The following PINX1 variants were observed in gnomAD, a reference collection of about 807,000 sequenced individuals.
PINX1 encodes the protein PIN2 (TERF1) interacting telomerase inhibitor 1, also known as PIN2/TERF1-interacting telomerase inhibitor 1.
Under a neutral mutation model 25.4 loss-of-function variants are expected in PINX1, and 34 were observed. The observed-to-expected ratio is 1.34, with a 90% CI of 1.02 to 1.78. The LOEUF is 1.78. Among genes scored for constraint, PINX1 ranks in the 40% most tolerant of loss-of-function variants. The probability of loss-of-function intolerance (pLI) is 0.00; values close to 1 mark genes in which losing one functional copy is unlikely to be tolerated. For missense variants in PINX1, 592 were observed against 404.9 expected (o/e 1.46, Z -3.97); for synonymous variants, 197 against 147.7 (o/e 1.33, Z -2.42).
intron 6 of PINX1, among the ~76,000 whole-genome samples, chr8:10,815,530 C>T (rs919279383): frequency 2.0e-5 from 3 of 152,090 alleles, no homozygotes; most frequent in Non-Finnish European, 4.4e-5. Flanking sequence ...AATGCATAGT[C>T]TTAGATTTTA....
chr8:10,786,384 A>C (rs1801747846), intron 6 of PINX1, among the ~76,000 whole-genome samples: 1 of 152,106 alleles, frequency 6.6e-6, no homozygotes. Flanking sequence ...TAAACAGGGG[A>C]ATGGTGCCAG....
At chr8:10,774,677 A>G (rs1456032149) in intron 6 of PINX1, among the ~76,000 whole-genome samples, 2 of 152,250 alleles carry the variant, frequency 1.3e-5, no homozygotes, top group African/African-American at 4.8e-5. Flanking sequence ...GATTGTTTAT[A>G]AAAGAAAGGT....
chr8:10,769,533 T>C (rs1801160845), intron 6 of PINX1, among the ~76,000 whole-genome samples: 1 of 152,202 alleles, frequency 6.6e-6, no homozygotes, highest in Admixed American at 6.5e-5. Flanking sequence ...GGGATCACCC[T>C]GCTCAATCAT....
chr8:10,798,986 G>C (rs1802177067), intron 6 of PINX1, among the ~76,000 whole-genome samples: 1 of 152,154 alleles, frequency 6.6e-6, no homozygotes, highest in Non-Finnish European at 1.5e-5. Flanking sequence ...TTTGATATTA[G>C]AAAAATGAGT....
At chr8:10,834,413 A>T in intron 2 of PINX1, 1 of 449,934 alleles carries the variant, frequency 2.2e-6, no homozygotes, top group South Asian at 3.2e-5. Context: ...AATAAATGGA[A>T]AGGGAAAAAG....
At position 10,765,769 on chromosome 8, in the gene PINX1, C is replaced by A; in HGVS notation, c.619G>T (p.Val207Leu). 6.2e-7 allele frequency: 1 copy of A among 1,613,984 alleles called. No individual in the cohort carries two copies. The highest frequency in any genetic ancestry group is 8.5e-7 in the Non-Finnish European group (1 of 1,179,902). ...CTTTTCTTCCCCCTTTTACGTTCCA[C>A]CTGCGTCTCAGAAATGTCAGACCCT... ...VPGSDISETQ[V>L]ERKRGKKRNK... Residue 207 changes from valine (V) to leucine (L), a missense_variant, in exon 7 of 7, where the codon GTG becomes TTG. Coordinates refer to ENST00000314787, the MANE Select transcript of PINX1 (RefSeq NM_017884.6).
At chr8:10,817,513 C>T (rs1281901721) in intron 6 of PINX1, among the ~76,000 whole-genome samples, 1 of 152,168 alleles carries the variant, frequency 6.6e-6, no homozygotes, top group Non-Finnish European at 1.5e-5. Flanking sequence ...ACAAGGATGT[C>T]AAAGATAAAT....
chr8:10,767,039 C>T (rs1181395517), intron 6 of PINX1, among the ~76,000 whole-genome samples: 1 of 152,162 alleles, frequency 6.6e-6, no homozygotes, highest in Non-Finnish European at 1.5e-5. Context: ...TCATGCTAAA[C>T]TTAGGTTTTC....
At position 10,773,992 on chromosome 8, in the gene PINX1, T is replaced by C. The variant is rs570262285; in HGVS notation, c.472-8076A>G. 4.6e-5 allele frequency among the ~76,000 whole-genome samples: 7 copies of C among 152,350 alleles called. No individual in the cohort carries two copies. The South Asian group carries it at 1.4e-3, about 32-fold the overall frequency. On this transcript the variant is annotated intron_variant, in intron 6 of 6. Coordinates refer to ENST00000314787, the MANE Select transcript of PINX1 (RefSeq NM_017884.6). ...AACTTCTGTGAATGATGTCTAAAAA[T>C]AATCCAAATTGACTGCATTTTATAA...
intron 6 of PINX1, among the ~76,000 whole-genome samples, chr8:10,819,952 A>T (rs1026452129): frequency 2.6e-5 from 4 of 152,174 alleles, no homozygotes; most frequent in Admixed American, 1.3e-4. Flanking sequence ...TCACACCAAA[A>T]CAAAAAGAAC....
At chr8:10,800,470 CT>C (rs35149115) in intron 6 of PINX1, among the ~76,000 whole-genome samples, 31,676 of 142,874 alleles carry the variant, frequency 0.22, 2,963 homozygotes, top group East Asian at 0.32. Context: ...TGAGAATAAA[CT>C]TTTTTTTTTT....
intron 6 of PINX1, among the ~76,000 whole-genome samples, chr8:10,775,424 T>G (rs796330382): frequency 0.19 from 25,931 of 138,618 alleles, 2,436 homozygotes; most frequent in East Asian, 0.28. Flanking sequence ...TTTTTTTTTT[T>G]TTTTTTTTTT....
In PINX1 at chr8:10,832,901, G is replaced by T. The variant is rs748218613; in HGVS notation, c.213C>A (p.Ile71=). 6.2e-7 allele frequency: 1 copy of T among 1,604,308 alleles called. No homozygotes were observed. The highest frequency in any genetic ancestry group is 1.1e-5 in the South Asian group (1 of 90,322). The change falls in exon 3 of 7, where the codon ATC becomes ATA. Residue 71 remains isoleucine (I), a synonymous_variant. Coordinates refer to ENST00000314787, the MANE Select transcript of PINX1 (RefSeq NM_017884.6). ...ACACACTGCTGCTCACTTCATTATT[G>T]ATGGTAGCTCCGAGTCCCAGGTGGT... ...KNNHLGLGAT[I]NNEDNWIAHQ... is the part of the protein sequence containing the mutation.
Position 10,765,439 on chromosome 8 carries a change from T to G in PINX1, c.949A>C (p.Thr317Pro). Residue 317 changes from threonine to proline, a missense_variant, in exon 7 of 7, where the codon ACG becomes CCG. Transcript: ENST00000314787. ...EIAEDATLEE[T>P]LVKKKKKKDS... ...TTCTTCTTCTTCTTTTTCACTAGCG[T>G]TTCTTCTAGTGTAGCGTCCTCTGCT... 6.2e-7 allele frequency: 1 copy of G among 1,607,100 alleles called. No homozygotes were observed.
intron 6 of PINX1, among the ~76,000 whole-genome samples, chr8:10,815,130 C>T (rs576147868): frequency 2.0e-5 from 3 of 152,176 alleles, no homozygotes; most frequent in South Asian, 2.1e-4. Context: ...TTGGTAGAGA[C>T]GATGTCTCAC....
intron 6 of PINX1, among the ~76,000 whole-genome samples, chr8:10,799,752 G>C (rs970167588): frequency 6.6e-6 from 1 of 152,228 alleles, no homozygotes; most frequent in Admixed American, 6.5e-5. Flanking sequence ...GGTAAGAGGA[G>C]CCGCTGGCAG....
intron 6 of PINX1, among the ~76,000 whole-genome samples, chr8:10,787,023 T>C (rs572612150): frequency 1.3e-5 from 2 of 152,336 alleles, no homozygotes; most frequent in Admixed American, 6.5e-5. Context: ...GCAACAAGTA[T>C]TCTGGTTGTA....
intron 6 of PINX1, among the ~76,000 whole-genome samples, chr8:10,797,881 T>A (rs147763344): frequency 1.5e-3 from 230 of 152,338 alleles, no homozygotes; most frequent in Admixed American, 4.4e-3. Context: ...AAATCTACAC[T>A]AACACAACCA....
intron 5 of PINX1, chr8:10,821,761 G>A (rs1797883193): frequency 6.6e-6 from 1 of 152,178 alleles, no homozygotes; most frequent in African/African-American, 2.4e-5. Context: ...TTCAAAATGT[G>A]TACTGGCCAT....
Sources: allele counts gnomAD v4.1 joint callset (sites outside exome capture counted in the v4.1 genomes callset), GRCh38; gene constraint gnomAD v4.1.1; transcripts MANE v1.5; gene names NCBI Gene and HGNC (gene_info 2026-07-23, HGNC 2026-07-21).